GALNT14: variants seen among roughly 807,000 people sequenced by gnomAD.
The protein encoded by GALNT14 is UDP-GalNAc:polypeptide N-acetylgalactosaminyltransferase 14.
Under a neutral mutation model 77.5 loss-of-function variants are expected in GALNT14, and 60 were observed. The ratio of observed to expected loss-of-function variants is 0.77; its 90% CI spans 0.63 to 0.96. The LOEUF (loss-of-function observed/expected upper bound fraction) is 0.96, where lower values mean the gene tolerates loss of function less well. Ranked by LOEUF, GALNT14 falls within the 40% of genes least tolerant of loss-of-function variation. The probability of loss-of-function intolerance (pLI) is 0.00; values close to 1 mark genes in which losing one functional copy is unlikely to be tolerated. For missense variants in GALNT14, 710 were observed against 731.0 expected, an observed-to-expected ratio of 0.97 and a Z score of 0.33; for synonymous variants, 280 against 281.7, an observed-to-expected ratio of 0.99 and a Z score of 0.06.
At chr2:30,893,029 C>G in the GALNT14 span, among the ~76,000 whole-genome samples, 6 of 152,260 alleles carry the variant, frequency 3.9e-5, no homozygotes, top group East Asian at 1.2e-3. Context: ...AAATTGACCT[C>G]TGATGCATGC....
intron 2 of GALNT14, among the ~76,000 whole-genome samples, chr2:30,983,871 T>A (rs1669138689): frequency 1.4e-5 from 2 of 146,824 alleles, no homozygotes; most frequent in Non-Finnish European, 3.0e-5. Context: ...AGAAGTTTTA[T>A]GTTTGTGACA....
intron 1 of GALNT14, among the ~76,000 whole-genome samples, chr2:31,069,232 A>G (rs1675190075): frequency 6.6e-6 from 1 of 152,238 alleles, no homozygotes; most frequent in Non-Finnish European, 1.5e-5. Context: ...AGAGAGGGAC[A>G]GGGAGGAAGC....
chr2:31,106,008 T>C (rs571669780), intron 1 of GALNT14, among the ~76,000 whole-genome samples: 1 of 152,300 alleles, frequency 6.6e-6, no homozygotes, highest in South Asian at 2.1e-4. Flanking sequence ...TTAACCAATC[T>C]TCCAACCATT....
At chr2:31,024,865 C>A (rs147345521) in intron 1 of GALNT14, among the ~76,000 whole-genome samples, 255 of 152,242 alleles carry the variant, frequency 1.7e-3, no homozygotes, top group African/African-American at 5.9e-3. Flanking sequence ...TGACCCCACA[C>A]GGCAGGGCTC....
intron 1 of GALNT14, among the ~76,000 whole-genome samples, chr2:31,066,899 C>T (rs1276209144): frequency 1.3e-5 from 2 of 152,306 alleles, no homozygotes; most frequent in South Asian, 2.1e-4. Flanking sequence ...TTTCCAGACC[C>T]AGCCAAGCTG....
intron 1 of GALNT14, among the ~76,000 whole-genome samples, chr2:31,120,516 T>A (rs147126045): frequency 6.6e-6 from 1 of 152,342 alleles, no homozygotes; most frequent in African/African-American, 2.4e-5. Context: ...ACAACTTTTT[T>A]CAACGTATAT....
At chr2:30,930,805 C>A (rs1025132720) in intron 10 of GALNT14, among the ~76,000 whole-genome samples, 1 of 152,224 alleles carries the variant, frequency 6.6e-6, no homozygotes, top group African/African-American at 2.4e-5. Context: ...CCTCCCTGGC[C>A]CCTTCCACTG....
chr2:31,097,817 T>G (rs531090315), intron 1 of GALNT14, among the ~76,000 whole-genome samples: 1 of 152,102 alleles, frequency 6.6e-6, no homozygotes, highest in Non-Finnish European at 1.5e-5. Flanking sequence ...TTTTGTGTCA[T>G]GGGAAATGAA....
chr2:30,938,471 C>A (rs1666194198), intron 9 of GALNT14, among the ~76,000 whole-genome samples: 1 of 152,114 alleles, frequency 6.6e-6, no homozygotes, highest in Non-Finnish European at 1.5e-5. Context: ...AAAGTAGACA[C>A]ATTACATGTA....
At chr2:30,911,254 A>G (rs1484812548) in intron 14 of GALNT14, among the ~76,000 whole-genome samples, 195 bp from the exon 15 acceptor site, 1 of 152,150 alleles carries the variant, frequency 6.6e-6, no homozygotes, top group Admixed American at 6.5e-5. Context: ...TTGGATTAAA[A>G]AAAGTTAAAA....
chr2:30,988,096 T>C (rs1669430580), intron 2 of GALNT14, among the ~76,000 whole-genome samples: 1 of 152,230 alleles, frequency 6.6e-6, no homozygotes, highest in Admixed American at 6.5e-5. Context: ...AGCTCCTCTT[T>C]TCCTTGCTAC....
intron 9 of GALNT14, among the ~76,000 whole-genome samples, chr2:30,933,509 G>A (rs944064020): frequency 1.3e-5 from 2 of 152,076 alleles, no homozygotes; most frequent in Non-Finnish European, 2.9e-5. Context: ...CTCCTCCCAC[G>A]TTTCCTTGGA....
intron 1 of GALNT14, chr2:31,125,291 T>C (rs1251400038): frequency 7.0e-7 from 1 of 1,432,210 alleles, no homozygotes; most frequent in South Asian, 1.2e-5. Context: ...ACATGGTCAT[T>C]TCTTTGGCAA....
chr2:30,910,056 G>C (rs1328270175), downstream of GALNT14, among the ~76,000 whole-genome samples: 1 of 119,138 alleles, frequency 8.4e-6, no homozygotes, highest in Non-Finnish European at 1.6e-5. Context: ...TCTGGGGACT[G>C]TTGAGGGGTG....
intron 1 of GALNT14, among the ~76,000 whole-genome samples, chr2:31,130,792 A>G (rs7581470): frequency 0.092 from 7,027 of 76,516 alleles, 205 homozygotes; most frequent in Middle Eastern, 0.12. Context: ...GTGCGCGCGC[A>G]CCTGTGTGTG....
the GALNT14 span, among the ~76,000 whole-genome samples, chr2:30,902,816 G>A: frequency 3.3e-5 from 5 of 152,132 alleles, no homozygotes; most frequent in East Asian, 3.9e-4. Flanking sequence ...CATACACTGA[G>A]GGCGACAGAG....
chr2:31,009,365 T>C (rs1332610528), intron 1 of GALNT14, among the ~76,000 whole-genome samples: 1 of 152,202 alleles, frequency 6.6e-6, no homozygotes, highest in Admixed American at 6.5e-5. Flanking sequence ...CTCCTGGGCT[T>C]CTCAGACTTT....
chr2:30,904,657 C>T, the GALNT14 span, among the ~76,000 whole-genome samples: 1 of 152,252 alleles, frequency 6.6e-6, no homozygotes. Flanking sequence ...ATTGCCCAGG[C>T]TTGATTAGGT....
chr2:31,136,510 T>C (rs1464196810), intron 1 of GALNT14, among the ~76,000 whole-genome samples: 1 of 152,172 alleles, frequency 6.6e-6, no homozygotes, highest in Non-Finnish European at 1.5e-5. Flanking sequence ...CCTCACATCC[T>C]GGTCCAATGA....
Sources: allele counts gnomAD v4.1 joint callset (sites outside exome capture counted in the v4.1 genomes callset), GRCh38; gene constraint gnomAD v4.1.1; transcripts MANE v1.5; gene names NCBI Gene and HGNC (gene_info 2026-07-23, HGNC 2026-07-21).